ARHGAP31: variants seen among roughly 807,000 people sequenced by gnomAD.
The protein encoded by ARHGAP31 is Rho GTPase activating protein 31, also known as rho GTPase-activating protein 31.
A neutral mutation model predicts 113.9 loss-of-function variants in ARHGAP31; 34 were observed. That is an observed-to-expected ratio of 0.30 (90% CI 0.23 to 0.40). The LOEUF (loss-of-function observed/expected upper bound fraction) is 0.40, where lower values mean the gene tolerates loss of function less well. ARHGAP31 is among the 10% of genes least tolerant of loss of function. The pLI, the probability that ARHGAP31 is intolerant of heterozygous loss-of-function variation, is 1.00. For synonymous variants in ARHGAP31, 650 were observed against 684.8 expected, an observed-to-expected ratio of 0.95 and a Z score of 0.79; for missense variants, 1,548 against 1,767.1, an observed-to-expected ratio of 0.88 and a Z score of 2.22.
chr3:119,335,202 A>C (rs950870101), intron 1 of ARHGAP31, among the ~76,000 whole-genome samples: 2 of 152,204 alleles, frequency 1.3e-5, no homozygotes, highest in African/African-American at 4.8e-5. Context: ...TGGGAAGCAG[A>C]AGCCATAGAT....
intron 2 of ARHGAP31, 133 bp from the exon 3 acceptor site, chr3:119,368,239 C>A (rs2080266428): frequency 1.1e-5 from 13 of 1,197,676 alleles, no homozygotes; most frequent in Non-Finnish European, 1.3e-5. Flanking sequence ...AGTAGAAGAT[C>A]TTTTTGAATT....
chr3:119,340,476 A>G (rs912393118), intron 1 of ARHGAP31, among the ~76,000 whole-genome samples: 7 of 152,218 alleles, frequency 4.6e-5, no homozygotes, highest in Non-Finnish European at 8.8e-5. Context: ...TTAGTGACCA[A>G]TTAGATATAG....
chr3:119,404,508 T>C (rs116421692), intron 10 of ARHGAP31, among the ~76,000 whole-genome samples: 136 of 152,324 alleles, frequency 8.9e-4, no homozygotes, highest in African/African-American at 3.2e-3. Context: ...GGGGTGAGGT[T>C]AACTTCAGTG....
In ARHGAP31 at chr3:119,414,935, A is replaced by G; in HGVS notation, c.3006A>G (p.Lys1002=). ...GAGAGATTACTGGATGGGATGAGAA[A>G]GCCCTGAGGTCCTTCAGAGAGTTCT... ...PRREITGWDE[K]ALRSFREFSG... Residue 1002 remains lysine (K), a synonymous_variant, in exon 12 of 12, where the codon AAA becomes AAG. Coordinates refer to ENST00000264245, the MANE Select transcript of ARHGAP31 (RefSeq NM_020754.4). 1 of 1,614,158 alleles carries G rather than the reference A, an allele frequency of 6.2e-7. No homozygotes were observed. The highest frequency in any genetic ancestry group is 8.5e-7 in the Non-Finnish European group (1 of 1,180,014).
intron 1 of ARHGAP31, among the ~76,000 whole-genome samples, chr3:119,312,569 C>A (rs962126745): frequency 2.6e-5 from 4 of 152,152 alleles, no homozygotes; most frequent in Admixed American, 2.6e-4. Flanking sequence ...AAGCCGTCTT[C>A]TTCTCTTGTA....
intron 10 of ARHGAP31, 150 bp from the exon 11 acceptor site, chr3:119,409,346 G>A (rs1433872096): frequency 1.1e-6 from 1 of 919,722 alleles, no homozygotes; most frequent in East Asian, 2.6e-5. Flanking sequence ...ACATTGCTAG[G>A]ATAAAAGAGT....
At chr3:119,411,682 G>C (rs944190913) in intron 11 of ARHGAP31, among the ~76,000 whole-genome samples, 1 of 152,162 alleles carries the variant, frequency 6.6e-6, no homozygotes, top group African/African-American at 2.4e-5. Flanking sequence ...CAGTCTAGTA[G>C]GCAAAATAGA....
chr3:119,335,845 G>A (rs923620964), intron 1 of ARHGAP31, among the ~76,000 whole-genome samples: 5 of 152,208 alleles, frequency 3.3e-5, no homozygotes, highest in African/African-American at 7.2e-5. Flanking sequence ...AGCTGCCCGA[G>A]TGCACAGGAA....
intron 3 of ARHGAP31, 105 bp from the exon 4 acceptor site, chr3:119,380,799 A>C (rs2080390308): frequency 1.1e-6 from 1 of 912,166 alleles, no homozygotes. Context: ...ATCTCTAGGC[A>C]TGGTTGTGAG....
intron 8 of ARHGAP31, among the ~76,000 whole-genome samples, chr3:119,398,482 T>G (rs530922588): frequency 5.3e-5 from 8 of 152,302 alleles, no homozygotes; most frequent in African/African-American, 1.4e-4. Context: ...CAGCCAGTTC[T>G]GTTCCCTGAA....
At chr3:119,375,448 C>T (rs1447031216) in intron 3 of ARHGAP31, among the ~76,000 whole-genome samples, 1 of 152,084 alleles carries the variant, frequency 6.6e-6, no homozygotes, top group African/African-American at 2.4e-5. Context: ...ATATAGATAC[C>T]CATGACTGCA....
At chr3:119,323,712 C>T (rs1174650588) in intron 1 of ARHGAP31, among the ~76,000 whole-genome samples, 1 of 152,180 alleles carries the variant, frequency 6.6e-6, no homozygotes, top group Non-Finnish European at 1.5e-5. Context: ...CCCTGGGGCT[C>T]ACCGGCTGTA....
intron 1 of ARHGAP31, among the ~76,000 whole-genome samples, chr3:119,335,957 G>T (rs1012312014): frequency 2.0e-5 from 3 of 152,172 alleles, no homozygotes; most frequent in Non-Finnish European, 4.4e-5. Flanking sequence ...CGGATCACTT[G>T]AGGTCAGGAG....
intron 1 of ARHGAP31, among the ~76,000 whole-genome samples, chr3:119,350,590 A>C (rs1388003764): frequency 1.3e-5 from 2 of 152,228 alleles, no homozygotes; most frequent in African/African-American, 4.8e-5. Context: ...TGGTGAGATC[A>C]GTGCAGAGAG....
chr3:119,368,552 G>A (rs772773948), intron 3 of ARHGAP31, 36 bp downstream of exon 3: 10 of 1,612,166 alleles, frequency 6.2e-6, no homozygotes, highest in Non-Finnish European at 7.6e-6. Flanking sequence ...TTACTGGGTG[G>A]GATGCATGGA....
intron 1 of ARHGAP31, among the ~76,000 whole-genome samples, chr3:119,321,644 C>T (rs2079787146): frequency 6.6e-6 from 1 of 151,482 alleles, no homozygotes; most frequent in Admixed American, 6.6e-5. Flanking sequence ...CATTTTAAGG[C>T]TCCGTAGGTT....
Position 119,416,016 on chromosome 3 carries a change from T to G in ARHGAP31, c.4087T>G (p.Ser1363Ala). Residue 1363 changes from serine to alanine, a missense_variant, in exon 12 of 12, where the codon TCA becomes GCA. By Grantham distance (99) the Ser-to-Ala change is moderately conservative (BLOSUM62 1). Transcript: ENST00000264245. The stretch of plus-strand genomic sequence containing the variant: ...CCCCATTATGGACCACCTGCCCCCT[T>G]CATCCACAGTGACAGATTCCAAGGT... ...PFPIMDHLPP[S>A]STVTDSKVLL... 6.2e-7 allele frequency: 1 copy of G among 1,614,162 alleles called. No individual in the cohort carries two copies.
chr3:119,320,331 AG>A (rs2079771663), intron 1 of ARHGAP31, among the ~76,000 whole-genome samples: 1 of 152,176 alleles, frequency 6.6e-6, no homozygotes, highest in Non-Finnish European at 1.5e-5. Flanking sequence ...CCCTCCCTAT[AG>A]AAGAGGAATA....
At chr3:119,368,290 T>C (rs2080266719) in intron 2 of ARHGAP31, 82 bp from the exon 3 acceptor site, 3 of 1,566,316 alleles carry the variant, frequency 1.9e-6, no homozygotes, top group East Asian at 4.5e-5. Context: ...TTAGGGTCTT[T>C]TTACCCCTAA....
Sources: gnomAD v4.1 joint callset for allele counts (sites outside exome capture counted in the v4.1 genomes callset) on GRCh38, gnomAD v4.1.1 for gene constraint, MANE v1.5 for transcripts, NCBI Gene and HGNC (gene_info 2026-07-23, HGNC 2026-07-21) for gene names.